NUMB: variants seen among roughly 807,000 people sequenced by gnomAD.
NUMB encodes protein numb homolog.
Under a neutral mutation model 59.7 loss-of-function variants are expected in NUMB, and 29 were observed. That is an observed-to-expected ratio of 0.49 (90% CI 0.36 to 0.66). The LOEUF (loss-of-function observed/expected upper bound fraction) is 0.66. NUMB is among the 30% of genes least tolerant of loss of function. The pLI, the probability that NUMB is intolerant of heterozygous loss-of-function variation, is 0.00. For missense variants in NUMB, 723 were observed against 822.0 expected, an observed-to-expected ratio of 0.88 and a Z score of 1.47; for synonymous variants, 288 against 288.2, an observed-to-expected ratio of 1.00 and a Z score of 0.01.
chr14:73,396,538 G>GTTGT (rs1555378258), intron 2 of NUMB, among the ~76,000 whole-genome samples: 1 of 151,268 alleles, frequency 6.6e-6, no homozygotes, highest in Non-Finnish European at 1.5e-5. Flanking sequence ...TTTTTTTGTT[G>GTTGT]TTTTTTTGTT....
At chr14:73,345,517 G>A (rs10136726) in intron 4 of NUMB, among the ~76,000 whole-genome samples, 35,343 of 152,098 alleles carry the variant, frequency 0.23, 5,086 homozygotes, top group East Asian at 0.68. Flanking sequence ...AATAGTTCTC[G>A]AAATTTTTGG....
At chr14:73,433,687 G>C in intron 1 of NUMB, among the ~76,000 whole-genome samples, 1 of 152,060 alleles carries the variant, frequency 6.6e-6, no homozygotes, top group East Asian at 1.9e-4. Context: ...GTTTGTCCAC[G>C]GTCTGTTAAT....
chr14:73,451,689 T>C (rs1007658651), intron 1 of NUMB, among the ~76,000 whole-genome samples: 1 of 152,184 alleles, frequency 6.6e-6, no homozygotes, highest in African/African-American at 2.4e-5. Context: ...CACAAGTGAC[T>C]AGACGAAAGT....
At chr14:73,373,795 T>C (rs1005526316) in intron 2 of NUMB, among the ~76,000 whole-genome samples, 2 of 151,502 alleles carry the variant, frequency 1.3e-5, no homozygotes, top group Admixed American at 6.6e-5. Context: ...CTCGAACTCC[T>C]TGGGCTCAAC....
intron 1 of NUMB, among the ~76,000 whole-genome samples, chr14:73,431,763 AAG>A: frequency 6.6e-6 from 1 of 152,122 alleles, no homozygotes; most frequent in Non-Finnish European, 1.5e-5. Flanking sequence ...AAAGAAAAGA[AAG>A]AAAATTTCAT....
intron 4 of NUMB, among the ~76,000 whole-genome samples, chr14:73,328,274 C>A (rs200890424): frequency 4.0e-4 from 52 of 130,666 alleles, no homozygotes; most frequent in South Asian, 5.4e-4. Flanking sequence ...GACTCCATCT[C>A]AAAAAAAAAA....
At chr14:73,452,342 G>A (rs991229433) in intron 1 of NUMB, among the ~76,000 whole-genome samples, 6 of 151,988 alleles carry the variant, frequency 3.9e-5, no homozygotes, top group African/African-American at 7.2e-5. Flanking sequence ...CCTGGGCAAC[G>A]AGAACGAAAC....
At chr14:73,423,603 TG>T (rs1897450619) in intron 1 of NUMB, among the ~76,000 whole-genome samples, 1 of 151,212 alleles carries the variant, frequency 6.6e-6, no homozygotes, top group African/African-American at 2.4e-5. Context: ...ATCACGCCAC[TG>T]CACTCCAGCC....
At chr14:73,395,423 G>T (rs1452202652) in intron 2 of NUMB, among the ~76,000 whole-genome samples, 2 of 152,022 alleles carry the variant, frequency 1.3e-5, no homozygotes, top group Admixed American at 1.3e-4. Context: ...AGGAGTTTGA[G>T]ACCAGCCTGG....
chr14:73,330,008 C>T (rs1461102443), intron 4 of NUMB, among the ~76,000 whole-genome samples: 1 of 152,112 alleles, frequency 6.6e-6, no homozygotes, highest in South Asian at 2.1e-4. Context: ...ACTAATACCT[C>T]AGGTCTCAAC....
intron 1 of NUMB, among the ~76,000 whole-genome samples, chr14:73,457,056 A>C (rs544996470): frequency 1.3e-5 from 2 of 151,622 alleles, no homozygotes; most frequent in African/African-American, 2.4e-5. Context: ...GAAAAAAAAA[A>C]CACCACCACC....
At chr14:73,395,059 G>A (rs550764093) in intron 2 of NUMB, among the ~76,000 whole-genome samples, 6 of 139,428 alleles carry the variant, frequency 4.3e-5, no homozygotes, top group East Asian at 1.9e-4. Context: ...GTGTGTGTGT[G>A]TGTGTGTGTG....
At chr14:73,439,169 A>T (rs1246338170) in intron 1 of NUMB, among the ~76,000 whole-genome samples, 1 of 152,214 alleles carries the variant, frequency 6.6e-6, no homozygotes, top group African/African-American at 2.4e-5. Context: ...AAAAGAAGGG[A>T]AAGAGACTGC....
intron 4 of NUMB, among the ~76,000 whole-genome samples, chr14:73,348,284 C>T (rs1041190071): frequency 6.6e-6 from 1 of 152,130 alleles, no homozygotes; most frequent in East Asian, 1.9e-4. Context: ...AGGAGTGACA[C>T]AACATAGCAG....
At chr14:73,324,049 T>G (rs1159513158) in intron 4 of NUMB, among the ~76,000 whole-genome samples, 1 of 152,154 alleles carries the variant, frequency 6.6e-6, no homozygotes, top group Non-Finnish European at 1.5e-5. Flanking sequence ...AGATAGATCC[T>G]TCAAAAAGGA....
chr14:73,395,317 C>T (rs1225904721), intron 2 of NUMB, among the ~76,000 whole-genome samples: 1 of 151,914 alleles, frequency 6.6e-6, no homozygotes, highest in Non-Finnish European at 1.5e-5. Context: ...GCAATGAATC[C>T]TAATACATTT....
At chr14:73,349,487 T>A (rs1222077500) in intron 4 of NUMB, among the ~76,000 whole-genome samples, 1 of 150,370 alleles carries the variant, frequency 6.7e-6, no homozygotes, top group African/African-American at 2.5e-5. Flanking sequence ...CTTAGGAGAA[T>A]CTCTTGAACC....
At chr14:73,373,442 A>G (rs1198360240) in intron 2 of NUMB, among the ~76,000 whole-genome samples, 1 of 152,204 alleles carries the variant, frequency 6.6e-6, no homozygotes, top group Admixed American at 6.5e-5. Flanking sequence ...ACTCACAAAT[A>G]TTTATTGAGT....
intron 1 of NUMB, among the ~76,000 whole-genome samples, chr14:73,448,996 A>G (rs1402347037): frequency 5.5e-5 from 5 of 90,116 alleles, no homozygotes; most frequent in African/African-American, 1.0e-4. Flanking sequence ...ATATATTCGG[A>G]AAAAAAAATG....
Sources: gnomAD v4.1 joint callset for allele counts (sites outside exome capture counted in the v4.1 genomes callset) on GRCh38, gnomAD v4.1.1 for gene constraint, MANE v1.5 for transcripts, NCBI Gene and HGNC (gene_info 2026-07-23, HGNC 2026-07-21) for gene names.